EPN1: variants seen among roughly 807,000 people sequenced by gnomAD.
EPN1 encodes epsin-1.
In EPN1, 25 loss-of-function variants were observed where a neutral mutation model predicts 56.9. The observed-to-expected ratio is 0.44, with a 90% CI of 0.32 to 0.61. The LOEUF (loss-of-function observed/expected upper bound fraction) is 0.61, where lower values mean the gene tolerates loss of function less well. EPN1 is among the 20% of genes least tolerant of loss of function. EPN1 has a pLI of 0.05. For missense variants in EPN1, 785 were observed against 823.7 expected (o/e 0.95, Z 0.58); for synonymous variants, 411 against 361.8 (o/e 1.14, Z -1.54).
At position 55,692,811 on chromosome 19, in the gene EPN1, G is replaced by T. The variant is rs144290370; in HGVS notation, c.1177+15G>T. 1.9e-6 allele frequency: 3 copies of T among 1,590,794 alleles called. No homozygotes were observed. In the Admixed American group the frequency reaches 5.2e-5, roughly 27 times the overall value. ...TGGCACAACAGGTACTGGAATGGGGGTGGGAATGGAGCCCCGGGTGGGAGT... is the reference window on the plus strand; with the variant it reads ...TGGCACAACAGGTACTGGAATGGGGTTGGGAATGGAGCCCCGGGTGGGAGT... On this transcript the variant is annotated intron_variant, in intron 8 of 10. Coordinates refer to ENST00000270460, the MANE Select transcript of EPN1 (RefSeq NM_001130072.2).
chr19:55,695,142 C>T lies in EPN1; in HGVS notation c.1523-6C>T, dbSNP rs753760433. ...ACTCCGTGTCTCTGGTTTACTCTTC[C>T]TGCAGGAGGCCCAGCCACTGGCCCT... On this transcript the variant is annotated splice_polypyrimidine_tract_variant and splice_region_variant and intron_variant, in intron 10 of 10. Transcript: ENST00000270460. This position sits in a 1 kb window ranked among gnomAD's most constrained non-coding sequence, Gnocchi z 4.4. The T allele has an allele frequency of 6.2e-7, 1 of 1,613,754 alleles. No homozygotes were observed. The highest frequency in any genetic ancestry group is 8.5e-7 in the Non-Finnish European group (1 of 1,179,814).
chr19:55,678,924 G>A, intron 2 of EPN1, 69 bp downstream of exon 2: 1 of 1,110,682 alleles, frequency 9.0e-7, no homozygotes, highest in South Asian at 1.5e-5. Context: ...CCCGTGTTGT[G>A]CACCCTGCCT....
chr19:55,678,858 C>A lies in EPN1; in HGVS notation c.228+3C>A, dbSNP rs373421417. 6.3e-7 allele frequency: 1 copy of A among 1,597,334 alleles called. No homozygotes were observed. The highest frequency in any genetic ancestry group is 1.7e-5 in the Admixed American group (1 of 59,370). ...AGAACTGGCGTCACGTTTACAAGGT[C>A]AGCATCCTGCTCTCCTCCCCGGGCA... On this transcript the variant is annotated splice_donor_region_variant and intron_variant, in intron 2 of 10. Transcript: ENST00000270460.
rs923460219 is a variant in EPN1, at chr19:55,689,427, C to T, written c.678+56C>T. The T allele has an allele frequency of 1.4e-5, 20 of 1,381,924 alleles. 1 individual carries two copies. The highest frequency in any genetic ancestry group is 2.9e-5 in the African/African-American group (2 of 69,926). The allele number at this position is 1,381,924 out of a possible 1,614,324, so 85.6% of individuals were successfully genotyped here. A position where few individuals can be genotyped will look rare whatever the true frequency, so the allele number is the denominator to read the frequency against. On this transcript the variant is annotated intron_variant, in intron 5 of 10. Coordinates refer to ENST00000270460, the MANE Select transcript of EPN1 (RefSeq NM_001130072.2). This position sits in a 1 kb window ranked among gnomAD's most constrained non-coding sequence, Gnocchi z 5.7. ...CCAGGGGCTCCCCTCAGACCAGCCCCGTCGCCCCTTCCTAAGTCACCCCCC... is the reference window on the plus strand; with the variant it reads ...CCAGGGGCTCCCCTCAGACCAGCCCTGTCGCCCCTTCCTAAGTCACCCCCC...
In EPN1 at chr19:55,704,837, G is replaced by C. The variant is rs1048024974; in HGVS notation, c.*9481G>C. On this transcript the variant is annotated 3_prime_UTR_variant, in exon 11 of 11. Coordinates refer to ENST00000270460, the MANE Select transcript of EPN1 (RefSeq NM_001130072.2). ...TGTAATACAGACAACAGAGACAGGA[G>C]ATGGCCTGGCCCCACTTCATTTCTG... The C allele has an allele frequency of 1.3e-5, 2 of 152,356 alleles. No individual in the cohort carries two copies. The highest frequency in any genetic ancestry group is 2.9e-5 in the Non-Finnish European group (2 of 68,126). The allele number at this position is 152,356 out of a possible 1,614,324, so 9.4% of individuals were successfully genotyped here.
Position 55,709,185 on chromosome 19 carries a change from C to G in EPN1, c.*13829C>G, listed in dbSNP as rs1224658477. 1.8e-6 allele frequency: 1 copy of G among 567,100 alleles called. No individual in the cohort carries two copies. Among genetic ancestry groups the G allele is most frequent in the Non-Finnish European group, 2.8e-6 (1 of 351,230 alleles). 35.1% of individuals were successfully genotyped at this position (567,100 alleles called of 1,614,324 possible). On this transcript the variant is annotated 3_prime_UTR_variant, in exon 11 of 11. Transcript: ENST00000270460. ...GGAGAATTGTACTGAATTTGAAAAA[C>G]AAGCATGAATCTTTCCTATAGGATA...
rs780034411 is a variant in EPN1 at position 55,689,998 on chromosome 19, C to G, written c.762+48C>G. On this transcript the variant is annotated intron_variant, in intron 6 of 10. Coordinates refer to ENST00000270460, the MANE Select transcript of EPN1 (RefSeq NM_001130072.2). This position sits in a 1 kb window ranked among gnomAD's most constrained non-coding sequence, Gnocchi z 5.7. ...TCCCTGGCCCCTGCAGGTGTCCGTC[C>G]GTCCCATCGCTCATTCCTGCGTGGC... 6.6e-7 allele frequency: 1 copy of G among 1,504,846 alleles called. No individual in the cohort carries two copies. Among genetic ancestry groups the G allele is most frequent in the Admixed American group, 2.0e-5 (1 of 50,432 alleles). 93.2% of individuals were successfully genotyped at this position (1,504,846 alleles called of 1,614,324 possible). A position where few individuals can be genotyped will look rare whatever the true frequency, so the allele number is the denominator to read the frequency against.
In EPN1 at chr19:55,709,150, G is replaced by A. The variant is rs184959186; in HGVS notation, c.*13794G>A. The A allele has an allele frequency of 4.2e-3, 3,061 of 721,094 alleles. 16 individuals are homozygous for A. Among genetic ancestry groups the A allele is most frequent in the Non-Finnish European group, 4.8e-3 (2,271 of 474,540 alleles). 44.7% of individuals were successfully genotyped at this position (721,094 alleles called of 1,614,324 possible). A position where few individuals can be genotyped will look rare whatever the true frequency, so the allele number is the denominator to read the frequency against. On this transcript the variant is annotated 3_prime_UTR_variant, in exon 11 of 11. Coordinates refer to ENST00000270460, the MANE Select transcript of EPN1 (RefSeq NM_001130072.2). Reference sequence around the variant, plus strand: ...CTCCTCTCCTCTTTATTCTTTCCTAGAAATCACTGGGAGAATTGTACTGAA... The same window carrying A: ...CTCCTCTCCTCTTTATTCTTTCCTAAAAATCACTGGGAGAATTGTACTGAA...
Position 55,701,066 on chromosome 19 carries a change from G to T in EPN1, c.*5710G>T, listed in dbSNP as rs1320021152. 1 of 152,208 alleles carries T rather than the reference G, an allele frequency of 6.6e-6. No homozygotes were observed. The highest frequency in any genetic ancestry group is 1.5e-5 in the Non-Finnish European group (1 of 68,074). The allele number at this position is 152,208 out of a possible 1,614,324, so 9.4% of individuals were successfully genotyped here. A position where few individuals can be genotyped will look rare whatever the true frequency, so the allele number is the denominator to read the frequency against. On this transcript the variant is annotated 3_prime_UTR_variant, in exon 11 of 11. Transcript: ENST00000270460. ...TTTGCAGTGGGAGGGCTGGCGCGGGGGCCCTGAGGGCTCCCTGGTTCCCAT... is the reference window on the plus strand; with the variant it reads ...TTTGCAGTGGGAGGGCTGGCGCGGGTGCCCTGAGGGCTCCCTGGTTCCCAT...
At position 55,706,299 on chromosome 19, in the gene EPN1, T is replaced by TTTTTTTTTTTTTTTTTA. The variant is rs1324277673; in HGVS notation, c.*10943_*10944insTTTTTTTTTTTTTTTTA. On this transcript the variant is annotated 3_prime_UTR_variant, in exon 11 of 11. Coordinates refer to ENST00000270460, the MANE Select transcript of EPN1 (RefSeq NM_001130072.2). ...TTTCTTCTTCTTTTTTTTTTTTTTT[T>TTTTTTTTTTTTTTTTTA]AAAAGACCGTGTTTCGCTCTGTCAC... The TTTTTTTTTTTTTTTTTA allele has an allele frequency of 2.6e-4, 41 of 154,874 alleles. No individual in the cohort carries two copies. Among genetic ancestry groups the TTTTTTTTTTTTTTTTTA allele is most frequent in the African/African-American group, 1.0e-3 (40 of 39,340 alleles). The allele number at this position is 154,874 out of a possible 1,614,324, so 9.6% of individuals were successfully genotyped here. A position where few individuals can be genotyped will look rare whatever the true frequency, so the allele number is the denominator to read the frequency against.
At chr19:55,679,186 TATGA>T (rs1264573959) in intron 2 of EPN1, among the ~76,000 whole-genome samples, 1 of 152,194 alleles carries the variant, frequency 6.6e-6, no homozygotes, top group Non-Finnish European at 1.5e-5. Context: ...GGGCCCCATC[TATGA>T]ATGCCTCTCA....
Position 55,691,949 on chromosome 19 carries a change from C to A in EPN1, c.958C>A (p.Pro320Thr). 1 of 1,529,770 alleles carries A rather than the reference C, an allele frequency of 6.5e-7. No individual in the cohort carries two copies. Among genetic ancestry groups the A allele is most frequent in the South Asian group, 1.2e-5 (1 of 80,322 alleles). The allele number at this position is 1,529,770 out of a possible 1,614,324, so 94.8% of individuals were successfully genotyped here. The change falls in exon 7 of 11, where the codon CCC (proline) becomes ACC (threonine). Residue 320 changes from proline (P) to threonine (T), a missense_variant. Pro to Thr is a conservative substitution (Grantham distance 38). This residue lies in a region of EPN1 where 650 missense variants were observed against 605.0 expected (regional missense o/e 1.07). Coordinates refer to ENST00000270460, the MANE Select transcript of EPN1 (RefSeq NM_001130072.2). This position sits in a 1 kb window ranked among gnomAD's most constrained non-coding sequence, Gnocchi z 5.6. Reference sequence around the variant, plus strand: ...AGCCCCCACGCCGGCCTCTGGGGACCCCTGGAGGCCTGCTGCCCCTGCAGG... The same window carrying A: ...AGCCCCCACGCCGGCCTCTGGGGACACCTGGAGGCCTGCTGCCCCTGCAGG... ...GPAPTPASGDPWRPAAPAGPS... is the reference protein window; with the variant it reads ...GPAPTPASGDTWRPAAPAGPS...
At position 55,702,423 on chromosome 19, in the gene EPN1, G is replaced by A. The variant is rs1433971095; in HGVS notation, c.*7067G>A. On this transcript the variant is annotated 3_prime_UTR_variant, in exon 11 of 11. Transcript: ENST00000270460. ...CCCCACGCGCTTCCAGCTTCCCTTA[G>A]TGTGCCTAAAGAAAGGGAAAGGAAT... The A allele has an allele frequency of 6.6e-6, 1 of 152,238 alleles. No individual in the cohort carries two copies. The highest frequency in any genetic ancestry group is 2.4e-5 in the African/African-American group (1 of 41,440). 9.4% of individuals were successfully genotyped at this position (152,238 alleles called of 1,614,324 possible). A position where few individuals can be genotyped will look rare whatever the true frequency, so the allele number is the denominator to read the frequency against.
intron 2 of EPN1, among the ~76,000 whole-genome samples, chr19:55,679,852 CGTTT>C (rs748420983): frequency 7.2e-5 from 11 of 151,924 alleles, no homozygotes; most frequent in Non-Finnish European, 1.6e-4. Context: ...GGCTGGGTGG[CGTTT>C]GTTTAGTTGA....
At chr19:55,677,834 T>A (rs760037138) in intron 1 of EPN1, 5 of 1,381,548 alleles carry the variant, frequency 3.6e-6, no homozygotes, top group Non-Finnish European at 3.8e-6. Flanking sequence ...TCTGCCCTTG[T>A]TCCAGAGGTC....
chr19:55,708,803 TCAC>T lies in EPN1; in HGVS notation c.*13448_*13450del. On this transcript the variant is annotated 3_prime_UTR_variant, in exon 11 of 11. Transcript: ENST00000270460. Reference sequence around the variant, plus strand: ...GAACACTTAGGGAGTACCTCTGAAATCACAGCCCTGCTGCCATGATGTGCAATT... The same window carrying T: ...GAACACTTAGGGAGTACCTCTGAAATAGCCCTGCTGCCATGATGTGCAATT... 1.4e-6 allele frequency: 1 copy of T among 714,212 alleles called. No homozygotes were observed. The highest frequency in any genetic ancestry group is 2.5e-5 in the South Asian group (1 of 40,174). The allele number at this position is 714,212 out of a possible 1,614,324, so 44.2% of individuals were successfully genotyped here.
chr19:55,689,214 T>G lies in EPN1; in HGVS notation c.604-83T>G, dbSNP rs1252219700. ...TCAGGGACCCCCAGCCCTCTCTTTC[T>G]TCGGCTCTATCTGACCCTGGCTCTG... On this transcript the variant is annotated intron_variant, in intron 4 of 10. Transcript: ENST00000270460. The surrounding 1 kb of genome is among the most constrained non-coding windows in gnomAD (Gnocchi z 5.7). The G allele has an allele frequency of 4.1e-6, 5 of 1,214,272 alleles. No individual in the cohort carries two copies. The highest frequency in any genetic ancestry group is 5.9e-6 in the Non-Finnish European group (5 of 848,686). 75.2% of individuals were successfully genotyped at this position (1,214,272 alleles called of 1,614,324 possible).
At chr19:55,684,916 T>A (rs1413872058) in intron 2 of EPN1, among the ~76,000 whole-genome samples, 1 of 152,236 alleles carries the variant, frequency 6.6e-6, no homozygotes, top group East Asian at 1.9e-4. Context: ...TCCTACACTG[T>A]GCAGCCCCCT....
At position 55,694,761 on chromosome 19, in the gene EPN1, C is replaced by T. The variant is rs1986809401; in HGVS notation, c.1300C>T (p.Arg434Ter). ...LELLAGEVPA[R>*]SPGAFDMSGV... is the part of the protein sequence containing the mutation. ...GCTGCTGGCAGGAGAGGTGCCGGCC[C>T]GAAGCCCTGGGGCGTTTGACATGAG... Residue 434 changes from arginine to a stop codon, truncating the protein, a stop_gained, in exon 10 of 11, where the codon CGA becomes TGA. Transcript: ENST00000270460. LOFTEE classifies it high-confidence loss of function. This position sits in a 1 kb window ranked among gnomAD's most constrained non-coding sequence, Gnocchi z 4.2. 1.3e-6 allele frequency: 2 copies of T among 1,592,764 alleles called. No individual in the cohort carries two copies. Among genetic ancestry groups the T allele is most frequent in the African/African-American group, 1.3e-5 (1 of 74,578 alleles).
Sources: allele counts gnomAD v4.1 joint callset (sites outside exome capture counted in the v4.1 genomes callset), GRCh38; gene constraint gnomAD v4.1.1; regional missense constraint gnomAD v4.1.1; non-coding constraint Gnocchi (gnomAD v3.1); transcripts MANE v1.5; gene names NCBI Gene and HGNC (gene_info 2026-07-23, HGNC 2026-07-21).